Variants in ALK observed in about 807,000 individuals in gnomAD.
The protein encoded by ALK is ALK tyrosine kinase receptor.
Under a neutral mutation model 163.1 loss-of-function variants are expected in ALK, and 74 were observed. The ratio of observed to expected loss-of-function variants is 0.45; its 90% confidence interval spans 0.38 to 0.55. The LOEUF is 0.55. Among genes scored for constraint, ALK ranks in the 20% least tolerant of loss-of-function variants. The probability of loss-of-function intolerance (pLI) is 0.00; values close to 1 mark genes in which losing one functional copy is unlikely to be tolerated. For missense variants in ALK, 2,063 were observed against 2,105.3 expected (o/e 0.98, Z 0.39); for synonymous variants, 960 against 843.2 (o/e 1.14, Z -2.40).
chr2:29,575,452 C>T (rs1260831541), intron 3 of ALK, among the ~76,000 whole-genome samples: 1 of 152,154 alleles, frequency 6.6e-6, no homozygotes, highest in Non-Finnish European at 1.5e-5. Flanking sequence ...CTCATCCCCA[C>T]CTGACCCAGT....
At chr2:29,340,441 G>C (rs1447272194) in intron 5 of ALK, among the ~76,000 whole-genome samples, 1 of 152,168 alleles carries the variant, frequency 6.6e-6, no homozygotes, top group African/African-American at 2.4e-5. Context: ...CCAATGAAGG[G>C]AGCCGGGTGG....
chr2:29,750,630 GGGAAGGAA>G (rs1189354098), intron 1 of ALK, among the ~76,000 whole-genome samples: 5,304 of 71,884 alleles, frequency 0.074, 338 homozygotes, highest in Middle Eastern at 0.11. Context: ...GGAACAGAAT[GGGAAGGAA>G]GGAAGGAAGG....
intron 5 of ALK, among the ~76,000 whole-genome samples, chr2:29,355,641 G>C (rs917084834): frequency 2.0e-5 from 3 of 152,218 alleles, no homozygotes; most frequent in African/African-American, 7.2e-5. Context: ...TTTAGCTACA[G>C]GAAGCAGTTC....
intron 26 of ALK, among the ~76,000 whole-genome samples, chr2:29,199,898 C>T (rs778572871): frequency 1.3e-5 from 2 of 152,100 alleles, no homozygotes; most frequent in Non-Finnish European, 2.9e-5. Context: ...AACAATAGTT[C>T]CTTCATCTTC....
chr2:29,233,994 T>G (rs191311410), intron 13 of ALK, among the ~76,000 whole-genome samples: 279 of 149,798 alleles, frequency 1.9e-3, no homozygotes, highest in African/African-American at 5.8e-3. Flanking sequence ...GGATAGGGAG[T>G]TTTTTTTTGT....
rs539157031 is a variant in ALK, at chr2:29,768,747, A to G, written c.668-51050T>C. On this transcript the variant is annotated intron_variant, in intron 1 of 28. Transcript: ENST00000389048. ...TGTGTGTGTGTGTGTGTGTGTGTAT[A>G]TATGTATATGTGCCTATAAGCAAAT... Among the ~76,000 whole-genome samples, 120 of 110,690 alleles carry G rather than the reference A, an allele frequency of 1.1e-3. 1 individual carries two copies. The highest frequency in any genetic ancestry group is 3.5e-3 in the African/African-American group (102 of 29,174). The allele number at this position is 110,690 out of a possible 152,430, so 72.6% of individuals were successfully genotyped here.
rs114495401 is a variant in ALK at position 29,877,075 on chromosome 2, G to C, written c.667+42918C>G. On this transcript the variant is annotated intron_variant, in intron 1 of 28. Transcript: ENST00000389048. Reference sequence around the variant, plus strand: ...CCAATCCAACATATTTACATTATCAGAGGTTCAACGAAGTAATTTTCTTAA... The same window carrying C: ...CCAATCCAACATATTTACATTATCACAGGTTCAACGAAGTAATTTTCTTAA... 9.1e-3 allele frequency among the ~76,000 whole-genome samples: 1,383 copies of C among 152,328 alleles called. 19 individuals are homozygous for C. The highest frequency in any genetic ancestry group is 0.032 in the African/African-American group (1,330 of 41,570).
rs1246755606 is a variant in ALK, at chr2:29,513,139, G to GA, written c.1154+18775dup. ...ACCAATGACTTTCTTCACATAATTG[G>GA]AAAAAACTACTTTAAAGTTCATACG... is the stretch of plus-strand genomic sequence containing the variant. On this transcript the variant is annotated intron_variant, in intron 4 of 28. Transcript: ENST00000389048. Among the ~76,000 whole-genome samples, 6 of 150,636 alleles carry GA rather than the reference G, an allele frequency of 4.0e-5. 1 individual carries two copies. In the South Asian group the frequency reaches 1.3e-3, roughly 32 times the overall value.
At chr2:29,740,036 A>G (rs1033634542) in intron 1 of ALK, among the ~76,000 whole-genome samples, 15 of 152,130 alleles carry the variant, frequency 9.9e-5, no homozygotes, top group African/African-American at 3.4e-4. Context: ...ATTCAATTCA[A>G]CAAACATTGA....
At chr2:29,268,888 C>G (rs545797170) in intron 11 of ALK, among the ~76,000 whole-genome samples, 1 of 152,168 alleles carries the variant, frequency 6.6e-6, no homozygotes, top group East Asian at 1.9e-4. Flanking sequence ...AATGATGGCT[C>G]AGGTAGCTCC....
chr2:29,873,844 C>T (rs1320374062), intron 1 of ALK, among the ~76,000 whole-genome samples: 1 of 151,890 alleles, frequency 6.6e-6, no homozygotes, highest in African/African-American at 2.4e-5. Flanking sequence ...CAATAACCGC[C>T]TGATAATCAC....
At chr2:29,199,748 C>T (rs944568324) in intron 26 of ALK, among the ~76,000 whole-genome samples, 10 of 152,038 alleles carry the variant, frequency 6.6e-5, no homozygotes, top group Admixed American at 2.6e-4. Flanking sequence ...ATGAATTCTT[C>T]GTGTTCTAAA....
At chr2:29,506,348 G>C (rs990848545) in intron 4 of ALK, among the ~76,000 whole-genome samples, 2 of 152,172 alleles carry the variant, frequency 1.3e-5, no homozygotes, top group African/African-American at 4.8e-5. Context: ...ATGATCTCTA[G>C]TGGGGTAATA....
intron 1 of ALK, among the ~76,000 whole-genome samples, chr2:29,914,480 G>A (rs939267363): frequency 6.6e-6 from 1 of 152,146 alleles, no homozygotes; most frequent in Non-Finnish European, 1.5e-5. Flanking sequence ...CCAGATGCTG[G>A]AGTGCAGCTG....
intron 4 of ALK, among the ~76,000 whole-genome samples, chr2:29,501,985 G>A (rs1672200260): frequency 6.6e-6 from 1 of 152,182 alleles, no homozygotes; most frequent in Non-Finnish European, 1.5e-5. Flanking sequence ...CACACACATT[G>A]TAGCAGGTGT....
At chr2:29,807,168 C>T (rs1276274082) in intron 1 of ALK, among the ~76,000 whole-genome samples, 2 of 152,238 alleles carry the variant, frequency 1.3e-5, no homozygotes, top group East Asian at 3.8e-4. Context: ...ACCAAGAGCT[C>T]GCCTTTCCTA....
intron 2 of ALK, among the ~76,000 whole-genome samples, chr2:29,715,805 A>C (rs538968261): frequency 6.6e-6 from 1 of 152,378 alleles, no homozygotes; most frequent in East Asian, 1.9e-4. Context: ...TGCCCTTATC[A>C]TAAGATGACA....
intron 4 of ALK, among the ~76,000 whole-genome samples, chr2:29,412,583 T>A (rs1669750402): frequency 6.6e-6 from 1 of 152,182 alleles, no homozygotes; most frequent in African/African-American, 2.4e-5. Flanking sequence ...CTCTGGCAAA[T>A]AATTTTTCCC....
chr2:29,812,864 T>G (rs778560010), intron 1 of ALK, among the ~76,000 whole-genome samples: 159 of 152,234 alleles, frequency 1.0e-3, no homozygotes, highest in Non-Finnish European at 1.8e-3. Context: ...TGTACATCCC[T>G]CCAACACACA....
Sources: allele counts gnomAD v4.1 joint callset (sites outside exome capture counted in the v4.1 genomes callset), GRCh38; gene constraint gnomAD v4.1.1; transcripts MANE v1.5; gene names NCBI Gene and HGNC (gene_info 2026-07-23, HGNC 2026-07-21).